Variants in COL4A4 observed in about 807,000 individuals in gnomAD.
COL4A4 encodes collagen type IV alpha 4 chain.
COL4A4 carries 105 observed loss-of-function variants against 192.9 expected under a neutral mutation model. That is an observed-to-expected ratio of 0.54 (90% CI 0.46 to 0.64). The LOEUF (loss-of-function observed/expected upper bound fraction) is 0.64. Among genes scored for constraint, COL4A4 ranks in the 30% least tolerant of loss-of-function variants. The pLI is 0.00. For synonymous variants in COL4A4, 762 were observed against 769.9 expected (o/e 0.99, Z 0.17); for missense variants, 1,967 against 2,169.3 (o/e 0.91, Z 1.85).
chr2:227,014,207 A>G (rs1476261227), intron 44 of COL4A4, among the ~76,000 whole-genome samples: 2 of 152,186 alleles, frequency 1.3e-5, no homozygotes, highest in Non-Finnish European at 2.9e-5. Context: ...CAGTGCAATG[A>G]CACGGTCCTA....
intron 17 of COL4A4, among the ~76,000 whole-genome samples, chr2:227,100,683 A>G (rs2060459371): frequency 6.6e-6 from 1 of 152,152 alleles, no homozygotes; most frequent in South Asian, 2.1e-4. Context: ...GACAACTGAT[A>G]TGGTTTGGCT....
rs55836847 is a variant in COL4A4, at chr2:227,147,562, G to A, written c.-79C>T. On this transcript the variant is annotated 5_prime_UTR_variant, in exon 2 of 48. Transcript: ENST00000396625. Reference sequence around the variant, plus strand: ...GGTTCTTGTTGACAAGTGAGGTTCTGTGTTCTGGGTCAAAGTCTGTTCCTG... The same window carrying A: ...GGTTCTTGTTGACAAGTGAGGTTCTATGTTCTGGGTCAAAGTCTGTTCCTG... 3,029 of 1,246,070 alleles carry A rather than the reference G, an allele frequency of 2.4e-3. 55 individuals carry two copies. In the African/African-American group the frequency reaches 0.04, roughly 16 times the overall value. The allele number at this position is 1,246,070 out of a possible 1,614,324, so 77.2% of individuals were successfully genotyped here.
chr2:226,974,728 C>T, the COL4A4 span, among the ~76,000 whole-genome samples: 3 of 152,054 alleles, frequency 2.0e-5, no homozygotes, highest in African/African-American at 7.2e-5. Context: ...TTTAGTGTCC[C>T]GCACCCAAGA....
rs1968055361 is a variant in COL4A4, at chr2:227,030,527, G to A, written c.3889C>T (p.Pro1297Ser). ...GGGCCAGGGGGACCTGGTGGCCCTG[G>A]TAGACCACAGTCACCTGGCTCCCCT... The part of the protein sequence containing the change: ...LRGEPGDCGL[P>S]GPPGPPGPPG... The change falls in exon 41 of 48, where the codon CCA becomes TCA. Residue 1297 changes from proline to serine, a missense_variant. Physicochemically the swap from Pro to Ser is moderately conservative, Grantham distance 74. Coordinates refer to ENST00000396625, the MANE Select transcript of COL4A4 (RefSeq NM_000092.5). The A allele has an allele frequency of 1.2e-6, 2 of 1,614,070 alleles. No individual in the cohort carries two copies. The highest frequency in any genetic ancestry group is 4.5e-5 in the East Asian group (2 of 44,878).
At chr2:227,105,164 T>C (rs1323220498) in intron 12 of COL4A4, among the ~76,000 whole-genome samples, 1 of 150,584 alleles carries the variant, frequency 6.6e-6, no homozygotes, top group Non-Finnish European at 1.5e-5. Context: ...TTTTCTATTA[T>C]ACTAAAATCT....
chr2:227,056,444 G>GT (rs1188528198), intron 29 of COL4A4, among the ~76,000 whole-genome samples: 1 of 152,068 alleles, frequency 6.6e-6, no homozygotes, highest in African/African-American at 2.4e-5. Flanking sequence ...AACTTTCCAG[G>GT]TTTTTCCTGA....
At chr2:227,089,049 C>T (rs1019939277) in intron 21 of COL4A4, among the ~76,000 whole-genome samples, 11 of 152,014 alleles carry the variant, frequency 7.2e-5, no homozygotes, top group Non-Finnish European at 1.6e-4. Context: ...TGGAGGGTTT[C>T]GTTCCTTAAT....
In COL4A4 at chr2:227,130,284, C is replaced by A. The variant is rs967778002; in HGVS notation, c.193-9136G>T. Among the ~76,000 whole-genome samples, 3 of 152,218 alleles carry A rather than the reference C, an allele frequency of 2.0e-5. No individual in the cohort carries two copies. The South Asian group carries it at 6.2e-4, about 32-fold the overall frequency. ...AGGCAGCATGGTGCAGTGGGAAGAA[C>A]CCTGCACTGAGAACCAGGAGACATG... On this transcript the variant is annotated intron_variant, in intron 4 of 47. Transcript: ENST00000396625.
At chr2:227,082,925 C>T (rs2059399406) in intron 22 of COL4A4, among the ~76,000 whole-genome samples, 1 of 152,088 alleles carries the variant, frequency 6.6e-6, no homozygotes, top group Non-Finnish European at 1.5e-5. Flanking sequence ...AATATCAAAC[C>T]ATGTCAAAAT....
intron 44 of COL4A4, among the ~76,000 whole-genome samples, chr2:227,019,771 G>A (rs552568453): frequency 9.1e-4 from 139 of 152,274 alleles, no homozygotes; most frequent in Non-Finnish European, 1.5e-3. Flanking sequence ...GGGTTCAAGC[G>A]ATTCTCCTGC....
intron 1 of COL4A4, among the ~76,000 whole-genome samples, chr2:227,153,954 A>G (rs1340714101): frequency 1.3e-5 from 2 of 152,114 alleles, no homozygotes; most frequent in Non-Finnish European, 2.9e-5. Flanking sequence ...GACAGAAGGC[A>G]TGGCCCCACC....
chr2:227,047,573 A>G (rs771370779), intron 34 of COL4A4, 24 bp from the exon 35 acceptor site: 5 of 1,551,800 alleles, frequency 3.2e-6, no homozygotes, highest in Non-Finnish European at 4.4e-6. Flanking sequence ...AATGCATGTG[A>G]CATTACTTTA....
rs756535060 is a variant in COL4A4 at position 227,010,322 on chromosome 2, G to C, written c.4513C>G (p.Gln1505Glu). The C allele has an allele frequency of 8.9e-5, 143 of 1,614,112 alleles. No individual in the cohort carries two copies. The highest frequency in any genetic ancestry group is 1.2e-4 in the Non-Finnish European group (139 of 1,180,056). ...YLEGQEKAHNQDLGLAGSCLP... is the reference protein window; with the variant it reads ...YLEGQEKAHNEDLGLAGSCLP... ...GATCCTGTATCCATACCAAGGTCTT[G>C]ATTGTGAGCTTTCTCTTGCCCTTCC... Residue 1505 changes from glutamine (Q) to glutamate (E), a missense_variant, in exon 46 of 48, where the codon CAA (glutamine) becomes GAA (glutamate). Transcript: ENST00000396625.
At chr2:226,990,292 A>G in the COL4A4 span, among the ~76,000 whole-genome samples, 1 of 152,288 alleles carries the variant, frequency 6.6e-6, no homozygotes, top group East Asian at 1.9e-4. Flanking sequence ...GAATGCTAAT[A>G]AAGTAACATT....
chr2:227,091,948 A>C (rs10179198), intron 20 of COL4A4, among the ~76,000 whole-genome samples: 69,078 of 151,182 alleles, frequency 0.46, 16,069 homozygotes, highest in South Asian at 0.54. Flanking sequence ...AAAGAAAAGA[A>C]AAGACATGAC....
At chr2:227,001,512 G>C (rs909704703), downstream of COL4A4, among the ~76,000 whole-genome samples, 2 of 152,210 alleles carry the variant, frequency 1.3e-5, no homozygotes, top group Non-Finnish European at 2.9e-5. Context: ...GGGCTTTGCA[G>C]TGACAGGAGC....
chr2:227,062,648 A>G, intron 25 of COL4A4, 50 bp from the exon 26 acceptor site: 2 of 1,242,970 alleles, frequency 1.6e-6, no homozygotes, highest in Non-Finnish European at 2.4e-6. Context: ...AGCCCAGTGC[A>G]ATGTGAGTCT....
At chr2:226,989,569 ATTGT>A in the COL4A4 span, among the ~76,000 whole-genome samples, 1 of 152,144 alleles carries the variant, frequency 6.6e-6, no homozygotes, top group Non-Finnish European at 1.5e-5. Context: ...GCATGTAGCA[ATTGT>A]CCCACAAATA....
chr2:227,131,771 A>G (rs1160981629), intron 4 of COL4A4, among the ~76,000 whole-genome samples: 1 of 152,196 alleles, frequency 6.6e-6, no homozygotes, highest in African/African-American at 2.4e-5. Context: ...TACTACATGC[A>G]CCTTTATAAG....
Sources: allele counts gnomAD v4.1 joint callset (sites outside exome capture counted in the v4.1 genomes callset), GRCh38; gene constraint gnomAD v4.1.1; transcripts MANE v1.5; gene names NCBI Gene and HGNC (gene_info 2026-07-23, HGNC 2026-07-21).